VAV2: variants seen among roughly 807,000 people sequenced by gnomAD.
VAV2 encodes the protein vav guanine nucleotide exchange factor 2.
VAV2 carries 67 observed loss-of-function variants against 132.5 expected under a neutral mutation model. The ratio of observed to expected loss-of-function variants is 0.51; its 90% CI spans 0.42 to 0.62. The LOEUF (loss-of-function observed/expected upper bound fraction) is 0.62, where lower values mean the gene tolerates loss of function less well. Ranked by LOEUF, VAV2 falls within the 20% of genes least tolerant of loss-of-function variation. The pLI is 0.00. For synonymous variants in VAV2, 492 were observed against 443.5 expected (o/e 1.11, Z -1.37); for missense variants, 938 against 1,153.6 (o/e 0.81, Z 2.71).
intron 13 of VAV2, 92 bp downstream of exon 13, chr9:133,791,691 C>A: frequency 8.8e-7 from 1 of 1,132,334 alleles, no homozygotes; most frequent in Non-Finnish European, 1.3e-6. Flanking sequence ...TGTGGCTGCC[C>A]ATGGAGCTCA....
At chr9:133,848,173 G>C (rs73553983) in intron 3 of VAV2, among the ~76,000 whole-genome samples, 27 of 151,144 alleles carry the variant, frequency 1.8e-4, no homozygotes, top group Non-Finnish European at 2.8e-4. Context: ...CCAGCTACTC[G>C]GGAGGCTGAG....
chr9:133,883,190 C>A lies in VAV2; in HGVS notation c.322-21758G>T, dbSNP rs1838568982. ...CAAAAGACTCGGCTGTCCCCACACA[C>A]CACTCCTGGAGCAGATGGGCCCTTC... On this transcript the variant is annotated intron_variant, in intron 2 of 29. Transcript: ENST00000371850. The surrounding 1 kb of genome is among the most constrained non-coding windows in gnomAD (Gnocchi z 4.2). 6.6e-6 allele frequency among the ~76,000 whole-genome samples: 1 copy of A among 152,258 alleles called. No individual in the cohort carries two copies. Among genetic ancestry groups the A allele is most frequent in the South Asian group, 2.1e-4 (1 of 4,834 alleles).
chr9:133,889,570 G>A (rs1319798227), intron 2 of VAV2, among the ~76,000 whole-genome samples: 1 of 152,170 alleles, frequency 6.6e-6, no homozygotes, highest in Non-Finnish European at 1.5e-5. Context: ...GGCAGGTGTG[G>A]GCAGCCCACA....
At chr9:133,930,383 T>TGCCTCCTG (rs1840640609) in intron 2 of VAV2, among the ~76,000 whole-genome samples, 2 of 151,724 alleles carry the variant, frequency 1.3e-5, no homozygotes, top group East Asian at 3.9e-4. Context: ...GCCTCCTTGC[T>TGCCTCCTG]GCCTCCTGGC....
chr9:133,944,996 C>G (rs1210447524), intron 1 of VAV2, among the ~76,000 whole-genome samples: 1 of 152,234 alleles, frequency 6.6e-6, no homozygotes, highest in African/African-American at 2.4e-5. Context: ...CGCTCCACGG[C>G]CGCCAGGTTT....
In VAV2 at chr9:133,789,229, AC is replaced by A. The variant is rs763902278; in HGVS notation, c.1274+28del. On this transcript the variant is annotated intron_variant, in intron 14 of 29. Coordinates refer to ENST00000371850, the MANE Select transcript of VAV2 (RefSeq NM_001134398.2). ...GAGAGCCAGACCCTGGCGGGACGCCACCCAGCCCACAACACGCGCCCTGCTC... is the reference window on the plus strand; with the variant it reads ...GAGAGCCAGACCCTGGCGGGACGCCACCAGCCCACAACACGCGCCCTGCTC... 47 of 1,611,664 alleles carry A rather than the reference AC, an allele frequency of 2.9e-5. No individual in the cohort carries two copies. The Middle Eastern group carries it at 8.3e-4, about 29-fold the overall frequency.
chr9:133,875,882 C>T lies in VAV2; in HGVS notation c.322-14450G>A, dbSNP rs114593246. On this transcript the variant is annotated intron_variant, in intron 2 of 29. Coordinates refer to ENST00000371850, the MANE Select transcript of VAV2 (RefSeq NM_001134398.2). ...AGGAGACCAGCATCTGAGTCGGCAG[C>T]CGAGTATAGCAGACGCCTCCCGTGC... Among the ~76,000 whole-genome samples, 627 of 152,352 alleles carry T rather than the reference C, an allele frequency of 4.1e-3. 4 individuals carry two copies. The highest frequency in any genetic ancestry group is 0.015 in the African/African-American group (609 of 41,578).
chr9:133,897,072 C>A (rs955460494), intron 2 of VAV2, among the ~76,000 whole-genome samples: 12 of 152,040 alleles, frequency 7.9e-5, no homozygotes, highest in African/African-American at 2.9e-4. Context: ...CCAGCCTGGG[C>A]GACAGAGCGA....
chr9:133,834,360 A>G lies in VAV2; in HGVS notation c.381-20T>C. ...AAAGGCCTGCGGAAGAGAAGGCGAG[A>G]GGGAGGTGAGCAGGTCCCGGCACTG... On this transcript the variant is annotated intron_variant, in intron 3 of 29. Coordinates refer to ENST00000371850, the MANE Select transcript of VAV2 (RefSeq NM_001134398.2). This position sits in a 1 kb window ranked among gnomAD's most constrained non-coding sequence, Gnocchi z 5.9. 1.2e-6 allele frequency: 2 copies of G among 1,608,972 alleles called. No individual in the cohort carries two copies. The highest frequency in any genetic ancestry group is 1.7e-6 in the Non-Finnish European group (2 of 1,177,630).
chr9:133,852,512 C>T (rs919263237), intron 3 of VAV2, among the ~76,000 whole-genome samples: 1 of 152,074 alleles, frequency 6.6e-6, no homozygotes, highest in African/African-American at 2.4e-5. Context: ...GGCAGCTCAG[C>T]AAGTTCATCT....
At chr9:133,903,628 C>T (rs978106793) in intron 2 of VAV2, among the ~76,000 whole-genome samples, 1 of 152,184 alleles carries the variant, frequency 6.6e-6, no homozygotes, top group African/African-American at 2.4e-5. Flanking sequence ...TCCGGTGGCT[C>T]ACAGAGGCTC....
At chr9:133,859,189 G>A (rs1266360151) in intron 3 of VAV2, among the ~76,000 whole-genome samples, 1 of 152,202 alleles carries the variant, frequency 6.6e-6, no homozygotes, top group Non-Finnish European at 1.5e-5. Context: ...ACAGATGCAG[G>A]GCCAGCCCTT....
At chr9:133,787,195 C>T in intron 16 of VAV2, 51 bp downstream of exon 16, 1 of 1,518,382 alleles carries the variant, frequency 6.6e-7, no homozygotes, top group Non-Finnish European at 8.9e-7. Flanking sequence ...GTGCCAGCAC[C>T]AGGCTGGGAT....
At chr9:133,841,709 C>A (rs952517585) in intron 3 of VAV2, among the ~76,000 whole-genome samples, 1 of 152,218 alleles carries the variant, frequency 6.6e-6, no homozygotes, top group Admixed American at 6.5e-5. Context: ...AAGGCTTCTG[C>A]AGGTAATGGG....
chr9:133,858,650 C>T (rs1837476413), intron 3 of VAV2, among the ~76,000 whole-genome samples: 1 of 152,172 alleles, frequency 6.6e-6, no homozygotes, highest in Non-Finnish European at 1.5e-5. Flanking sequence ...GAGCCCTGAG[C>T]CCTGGGATTT....
At chr9:133,889,851 C>T (rs776063673) in intron 2 of VAV2, among the ~76,000 whole-genome samples, 1 of 152,152 alleles carries the variant, frequency 6.6e-6, no homozygotes, top group Non-Finnish European at 1.5e-5. Flanking sequence ...CTGTTAATGT[C>T]GATACAAGGC....
chr9:133,989,538 A>T lies in VAV2; in HGVS notation c.204+2537T>A, dbSNP rs186368517. ...CTATCTCAAAAAAAAAAAAAAAAAA[A>T]GCTGGGCGTGGTGGAGCGTGCCGGT... On this transcript the variant is annotated intron_variant, in intron 1 of 29. Transcript: ENST00000371850. 4.1e-3 allele frequency among the ~76,000 whole-genome samples: 586 copies of T among 143,946 alleles called. 3 individuals are homozygous for T. Among genetic ancestry groups the T allele is most frequent in the Middle Eastern group, 0.011 (3 of 284 alleles). The allele number at this position is 143,946 out of a possible 152,430, so 94.4% of individuals were successfully genotyped here.
At chr9:133,793,270 C>T (rs1834569554) in intron 12 of VAV2, among the ~76,000 whole-genome samples, 1 of 151,826 alleles carries the variant, frequency 6.6e-6, no homozygotes, top group Non-Finnish European at 1.5e-5. Flanking sequence ...CCTGGCCCTG[C>T]CCCCCGAGAG....
At chr9:133,865,275 T>C (rs1000123206) in intron 2 of VAV2, among the ~76,000 whole-genome samples, 2 of 152,220 alleles carry the variant, frequency 1.3e-5, no homozygotes, top group African/African-American at 4.8e-5. Flanking sequence ...AATCACCCAA[T>C]CTTGCATGGC....
Sources: gnomAD v4.1 joint callset for allele counts (sites outside exome capture counted in the v4.1 genomes callset) on GRCh38, gnomAD v4.1.1 for gene constraint, Gnocchi (gnomAD v3.1) non-coding constraint, MANE v1.5 for transcripts, NCBI Gene and HGNC (gene_info 2026-07-23, HGNC 2026-07-21) for gene names.